The following CBLIF variants were observed in gnomAD, a reference collection of about 807,000 sequenced individuals.
CBLIF encodes cobalamin binding intrinsic factor.
In CBLIF, 24 loss-of-function variants were observed where a neutral mutation model predicts 44.9. That is an observed-to-expected ratio of 0.53 (90% CI 0.39 to 0.75). The LOEUF (loss-of-function observed/expected upper bound fraction) is 0.75, where lower values mean the gene tolerates loss of function less well. CBLIF is among the 30% of genes least tolerant of loss of function. The pLI, the probability that CBLIF is intolerant of heterozygous loss-of-function variation, is 0.00. For synonymous variants in CBLIF, 183 were observed against 190.9 expected (o/e 0.96, Z 0.34); for missense variants, 481 against 513.0 (o/e 0.94, Z 0.60).
Position 59,841,179 on chromosome 11 carries a change from G to A in CBLIF, c.657C>T (p.Ile219=). 6.2e-7 allele frequency: 1 copy of A among 1,613,728 alleles called. No individual in the cohort carries two copies. The highest frequency in any genetic ancestry group is 1.1e-5 in the South Asian group (1 of 91,084). ...KISMKIKDNG[I]IGDIYSTGLA... ...GGCCAGTACTGTAGATGTCTCCAAT[G>A]ATGCCATTATCTTTGATCTTCATGC... is the stretch of plus-strand genomic sequence containing the variant. Residue 219 remains isoleucine, a synonymous_variant, in exon 5 of 9, where the codon ATC becomes ATT. Transcript: ENST00000257248.
At chr11:59,836,435 G>A (rs1866457440) in intron 6 of CBLIF, among the ~76,000 whole-genome samples, 1 of 152,066 alleles carries the variant, frequency 6.6e-6, no homozygotes, top group African/African-American at 2.4e-5. Context: ...GTAATCTCTG[G>A]AGTAATAAGT....
chr11:59,830,659 T>C (rs905753771), intron 8 of CBLIF, among the ~76,000 whole-genome samples: 7 of 152,172 alleles, frequency 4.6e-5, no homozygotes, highest in African/African-American at 1.7e-4. Context: ...ATAATGATGA[T>C]TAATATTTTT....
chr11:59,838,490 G>C (rs1450483554), intron 5 of CBLIF, among the ~76,000 whole-genome samples: 1 of 152,128 alleles, frequency 6.6e-6, no homozygotes, highest in African/African-American at 2.4e-5. Flanking sequence ...AATAGGAAAT[G>C]GGAGAAGAGA....
At chr11:59,842,869 T>A in intron 3 of CBLIF, 159 bp downstream of exon 3, 1 of 675,482 alleles carries the variant, frequency 1.5e-6, no homozygotes, top group Non-Finnish European at 2.7e-6. Context: ...TGGAAATGAA[T>A]CTTTCTGGTC....
At position 59,843,131 on chromosome 11, in the gene CBLIF, A is replaced by G; in HGVS notation, c.267T>C (p.Ile89=). The change falls in exon 3 of 9, where the codon ATT becomes ATC. Residue 89 remains isoleucine (I), a synonymous_variant. Coordinates refer to ENST00000257248, the MANE Select transcript of CBLIF (RefSeq NM_005142.3). ...CCATGATGGTGAGGCCGAGCTGCCC[A>G]ATGGTTAGATCTGCAGAGAAGAGAA... The part of the protein sequence containing the change: ...LMSSDNNDLT[I]GQLGLTIMAL... 2 of 1,607,332 alleles carry G rather than the reference A, an allele frequency of 1.2e-6. No individual in the cohort carries two copies. Among genetic ancestry groups the G allele is most frequent in the African/African-American group, 1.3e-5 (1 of 74,904 alleles).
At chr11:59,833,171 T>A (rs1866393836) in intron 7 of CBLIF, among the ~76,000 whole-genome samples, 1 of 152,138 alleles carries the variant, frequency 6.6e-6, no homozygotes, top group Admixed American at 6.6e-5. Context: ...TAGGCAAAAT[T>A]AAAGCTAACT....
intron 7 of CBLIF, among the ~76,000 whole-genome samples, chr11:59,835,293 G>T (rs183613571): frequency 6.6e-6 from 1 of 152,046 alleles, no homozygotes; most frequent in East Asian, 1.9e-4. Context: ...TTACAGGCAC[G>T]TGCCACCACG....
intron 2 of CBLIF, among the ~76,000 whole-genome samples, chr11:59,843,420 A>G (rs556872790): frequency 2.6e-5 from 4 of 152,242 alleles, no homozygotes; most frequent in Non-Finnish European, 5.9e-5. Context: ...ATAGATTTAT[A>G]TACAGAAATT....
intron 2 of CBLIF, 141 bp from the exon 3 acceptor site, chr11:59,843,282 A>G: frequency 1.5e-6 from 1 of 674,894 alleles, no homozygotes; most frequent in South Asian, 1.6e-5. Flanking sequence ...CTGTCTTTCC[A>G]AAGAAAAAAA....
chr11:59,841,898 G>T (rs1408726858), intron 4 of CBLIF, among the ~76,000 whole-genome samples: 4 of 152,108 alleles, frequency 2.6e-5, no homozygotes, highest in African/African-American at 9.7e-5. Flanking sequence ...ACATGATGTT[G>T]TAGAGGGAAA....
chr11:59,843,953 A>T lies in CBLIF; in HGVS notation c.182T>A (p.Met61Lys). 1 of 1,613,264 alleles carries T rather than the reference A, an allele frequency of 6.2e-7. No individual in the cohort carries two copies. Among genetic ancestry groups the T allele is most frequent in the Non-Finnish European group, 8.5e-7 (1 of 1,179,302 alleles). Residue 61 changes from methionine (M) to lysine (K), a missense_variant, in exon 2 of 9, where the codon ATG becomes AAG. Coordinates refer to ENST00000257248, the MANE Select transcript of CBLIF (RefSeq NM_005142.3). The part of the protein sequence containing the change: ...AYPNPSILIA[M>K]NLAGAYNLKA... Reference sequence around the variant, plus strand: ...CAAGTTGTAGGCTCCGGCCAGATTCATGGCAATCAGGATGCTGGGGTTTGG... The same window carrying T: ...CAAGTTGTAGGCTCCGGCCAGATTCTTGGCAATCAGGATGCTGGGGTTTGG...
chr11:59,830,487 T>G (rs1281120189), intron 8 of CBLIF, among the ~76,000 whole-genome samples: 1 of 152,046 alleles, frequency 6.6e-6, no homozygotes, highest in Non-Finnish European at 1.5e-5. Context: ...TCCGTCCGCC[T>G]TGGCCTCCCA....
intron 2 of CBLIF, 90 bp downstream of exon 2, chr11:59,843,789 A>G (rs1866570105): frequency 2.1e-6 from 2 of 950,542 alleles, no homozygotes; most frequent in Non-Finnish European, 3.4e-6. Context: ...CAGAGGCAGC[A>G]TTGGGGTGGG....
intron 1 of CBLIF, chr11:59,845,172 T>C: frequency 1.5e-6 from 1 of 661,906 alleles, no homozygotes; most frequent in Non-Finnish European, 2.6e-6. Flanking sequence ...CCCATCTCTC[T>C]TAATAAAAAA....
At chr11:59,837,397 C>A (rs757059144) in intron 5 of CBLIF, 46 bp from the exon 6 acceptor site, 9 of 1,421,830 alleles carry the variant, frequency 6.3e-6, no homozygotes, top group Non-Finnish European at 8.9e-6. Context: ...TTAGGCATAG[C>A]TGAGAGTTGG....
chr11:59,838,848 C>CTTTCT, intron 5 of CBLIF, among the ~76,000 whole-genome samples: 1 of 130,538 alleles, frequency 7.7e-6, no homozygotes, highest in Admixed American at 7.9e-5. Flanking sequence ...TTCTTTCTTT[C>CTTTCT]TTTTTTTTTT....
intron 5 of CBLIF, among the ~76,000 whole-genome samples, chr11:59,837,835 T>C (rs1020941961): frequency 6.6e-6 from 1 of 152,198 alleles, no homozygotes; most frequent in Non-Finnish European, 1.5e-5. Context: ...CTGATGGTGG[T>C]CACCATCCCC....
At chr11:59,841,655 G>A (rs1444455430) in intron 4 of CBLIF, among the ~76,000 whole-genome samples, 1 of 152,200 alleles carries the variant, frequency 6.6e-6, no homozygotes, top group Non-Finnish European at 1.5e-5. Flanking sequence ...GTGAAAGGGA[G>A]ACCAGTCTGT....
chr11:59,836,788 T>A (rs141052767), intron 6 of CBLIF, among the ~76,000 whole-genome samples: 1 of 151,952 alleles, frequency 6.6e-6, no homozygotes, highest in East Asian at 1.9e-4. Context: ...TGTTTACACA[T>A]CTGTCTTCTG....
Sources: allele counts gnomAD v4.1 joint callset (sites outside exome capture counted in the v4.1 genomes callset), GRCh38; gene constraint gnomAD v4.1.1; transcripts MANE v1.5; gene names NCBI Gene and HGNC (gene_info 2026-07-23, HGNC 2026-07-21).